Variants in TRPM3 observed in about 807,000 individuals in gnomAD.
TRPM3 encodes long transient receptor potential channel 3.
A neutral mutation model predicts 181.2 loss-of-function variants in TRPM3; 77 were observed. The observed-to-expected ratio is 0.42, with a 90% CI of 0.35 to 0.51. The LOEUF (loss-of-function observed/expected upper bound fraction) is 0.51, where lower values mean the gene tolerates loss of function less well. Among genes scored for constraint, TRPM3 ranks in the 20% least tolerant of loss-of-function variants. The pLI, the probability that TRPM3 is intolerant of heterozygous loss-of-function variation, is 0.01. For missense variants in TRPM3, 1,759 were observed against 2,196.7 expected, an observed-to-expected ratio of 0.80 and a Z score of 3.98; for synonymous variants, 745 against 796.4, an observed-to-expected ratio of 0.94 and a Z score of 1.09.
At chr9:70,975,207 A>C (rs12351733) in intron 1 of TRPM3, among the ~76,000 whole-genome samples, 7 of 151,922 alleles carry the variant, frequency 4.6e-5, no homozygotes, top group Non-Finnish European at 2.9e-5. Flanking sequence ...GACAATTTTA[A>C]TGAAGGAGTT....
At chr9:71,419,606 G>A (rs1276137473) in intron 1 of TRPM3, among the ~76,000 whole-genome samples, 1 of 151,880 alleles carries the variant, frequency 6.6e-6, no homozygotes, top group Middle Eastern at 3.2e-3. Context: ...TGCAATAAAA[G>A]TTTGTAACCA....
At chr9:71,371,398 A>T (rs2132801390) in intron 1 of TRPM3, among the ~76,000 whole-genome samples, 1 of 152,286 alleles carries the variant, frequency 6.6e-6, no homozygotes, top group Middle Eastern at 3.4e-3. Flanking sequence ...CAACCTTAAC[A>T]AGAGTTTGGA....
intron 7 of TRPM3, among the ~76,000 whole-genome samples, chr9:70,783,619 C>T (rs926829165): frequency 6.6e-5 from 10 of 152,040 alleles, no homozygotes; most frequent in Admixed American, 2.0e-4. Context: ...TTTCCCAGCC[C>T]GTCTAGAGAA....
chr9:70,803,411 G>A (rs1349660801), intron 6 of TRPM3, among the ~76,000 whole-genome samples: 1 of 151,092 alleles, frequency 6.6e-6, no homozygotes, highest in Non-Finnish European at 1.5e-5. Flanking sequence ...TTATAGAAAG[G>A]GCTGCCTGAG....
intron 1 of TRPM3, among the ~76,000 whole-genome samples, chr9:71,156,648 T>G (rs776646206): frequency 6.6e-6 from 1 of 152,176 alleles, no homozygotes; most frequent in Admixed American, 6.5e-5. Context: ...TTCAAGTTAT[T>G]AATAAGACAA....
intron 1 of TRPM3, among the ~76,000 whole-genome samples, chr9:71,390,241 T>C (rs1195155364): frequency 6.6e-6 from 1 of 151,980 alleles, no homozygotes; most frequent in Non-Finnish European, 1.5e-5. Context: ...TAGGAGTATA[T>C]TTAAGAAAGA....
chr9:71,223,160 C>G (rs2131858759), intron 1 of TRPM3, among the ~76,000 whole-genome samples: 1 of 152,260 alleles, frequency 6.6e-6, no homozygotes, highest in East Asian at 1.9e-4. Context: ...AAAAGAGTCC[C>G]CTTCCTTCCT....
intron 6 of TRPM3, among the ~76,000 whole-genome samples, chr9:70,822,368 T>A (rs4418400): frequency 6.6e-6 from 1 of 152,204 alleles, no homozygotes; most frequent in African/African-American, 2.4e-5. Flanking sequence ...CATGCATCAC[T>A]CTTGAAGTGT....
intron 25 of TRPM3, 82 bp from the exon 26 acceptor site, chr9:70,537,487 G>T: frequency 7.8e-7 from 1 of 1,284,222 alleles, no homozygotes; most frequent in African/African-American, 1.5e-5. Flanking sequence ...AGGGATCACA[G>T]CTGTGCCTGA....
At chr9:71,227,259 T>C (rs1367409883) in intron 1 of TRPM3, among the ~76,000 whole-genome samples, 1 of 151,642 alleles carries the variant, frequency 6.6e-6, no homozygotes, top group Non-Finnish European at 1.5e-5. Context: ...GACCAGTGAA[T>C]CAACAAAGAG....
chr9:71,299,345 G>T (rs1292662111), intron 1 of TRPM3, among the ~76,000 whole-genome samples: 2 of 152,136 alleles, frequency 1.3e-5, no homozygotes, highest in African/African-American at 4.8e-5. Context: ...CAGTGTTGTG[G>T]TAAATGCTAG....
intron 18 of TRPM3, among the ~76,000 whole-genome samples, chr9:70,614,967 A>T (rs2062561680): frequency 1.3e-5 from 2 of 152,264 alleles, no homozygotes; most frequent in South Asian, 4.1e-4. Context: ...CTGAAACAAA[A>T]GTTGGCCTTT....
At chr9:71,125,171 A>C (rs997951553), upstream of TRPM3, among the ~76,000 whole-genome samples, 1 of 151,912 alleles carries the variant, frequency 6.6e-6, no homozygotes, top group Admixed American at 6.6e-5. Flanking sequence ...TCTTTTATTA[A>C]TTTTGTTGTG....
intron 1 of TRPM3, among the ~76,000 whole-genome samples, chr9:71,286,304 G>A (rs2085274344): frequency 6.6e-6 from 1 of 152,072 alleles, no homozygotes; most frequent in African/African-American, 2.4e-5. Flanking sequence ...ACCGGGGGAG[G>A]GCATGTAATT....
At chr9:71,193,366 T>A (rs1279687240) in intron 1 of TRPM3, among the ~76,000 whole-genome samples, 1 of 151,840 alleles carries the variant, frequency 6.6e-6, no homozygotes, top group Non-Finnish European at 1.5e-5. Context: ...TTGTTCATCC[T>A]CTTTTCATAA....
intron 7 of TRPM3, among the ~76,000 whole-genome samples, chr9:70,763,469 T>C (rs1673977175): frequency 1.3e-5 from 2 of 152,058 alleles, no homozygotes; most frequent in Non-Finnish European, 2.9e-5. Context: ...ACCACTGCAC[T>C]CCAGCCTGGG....
At chr9:70,567,130 C>G (rs759689037) in intron 22 of TRPM3, among the ~76,000 whole-genome samples, 3 of 152,146 alleles carry the variant, frequency 2.0e-5, no homozygotes, top group Non-Finnish European at 4.4e-5. Flanking sequence ...AGCTTGGATG[C>G]GGGAAAAATC....
chr9:71,039,696 C>T (rs1007819765), intron 1 of TRPM3, among the ~76,000 whole-genome samples: 1 of 152,112 alleles, frequency 6.6e-6, no homozygotes, highest in African/African-American at 2.4e-5. Context: ...GACTCACAAA[C>T]ATTGGAAATA....
intron 1 of TRPM3, among the ~76,000 whole-genome samples, chr9:71,305,719 T>TG (rs2087234337): frequency 6.6e-6 from 1 of 152,174 alleles, no homozygotes; most frequent in Non-Finnish European, 1.5e-5. Context: ...TGAGGGTCAT[T>TG]ATTCAGCATG....
Sources: gnomAD v4.1 joint callset for allele counts (sites outside exome capture counted in the v4.1 genomes callset) on GRCh38, gnomAD v4.1.1 for gene constraint, MANE v1.5 for transcripts, NCBI Gene and HGNC (gene_info 2026-07-23, HGNC 2026-07-21) for gene names.